MYT1L: variants seen among roughly 807,000 people sequenced by gnomAD.
The protein encoded by MYT1L is myelin transcription factor 1-like protein.
In MYT1L, 12 loss-of-function variants were observed where a neutral mutation model predicts 126.7. That is an observed-to-expected ratio of 0.09 (90% CI 0.06 to 0.15). The LOEUF is 0.15. Among genes scored for constraint, MYT1L ranks in the 10% least tolerant of loss-of-function variants. The pLI is 1.00. For synonymous variants in MYT1L, 541 were observed against 604.2 expected, an observed-to-expected ratio of 0.90 and a Z score of 1.53; for missense variants, 979 against 1,585.2, an observed-to-expected ratio of 0.62 and a Z score of 6.49.
At chr2:2,166,485 G>C (rs1010780890) in intron 3 of MYT1L, among the ~76,000 whole-genome samples, 5 of 152,196 alleles carry the variant, frequency 3.3e-5, no homozygotes, top group Non-Finnish European at 7.3e-5. Flanking sequence ...GGGTTTCAGA[G>C]TCAGAATTGA....
chr2:2,252,132 A>G (rs557543017), intron 2 of MYT1L, among the ~76,000 whole-genome samples: 1 of 152,266 alleles, frequency 6.6e-6, no homozygotes, highest in South Asian at 2.1e-4. Context: ...TGGAGAGAAG[A>G]CAGGCTCTCT....
At chr2:1,874,190 C>CT (rs5828881) in intron 18 of MYT1L, among the ~76,000 whole-genome samples, 2,399 of 148,016 alleles carry the variant, frequency 0.016, 46 homozygotes, top group African/African-American at 0.044. Context: ...AGGAAACGCT[C>CT]TTTTTTTTTT....
rs533811422 is a variant in MYT1L, at chr2:1,952,890, C to A, written c.153-9556G>T. Among the ~76,000 whole-genome samples the A allele has an allele frequency of 8.8e-3, 688 of 78,518 alleles. 11 individuals carry two copies. The highest frequency in any genetic ancestry group is 0.026 in the African/African-American group (378 of 14,570). 51.5% of individuals were successfully genotyped at this position (78,518 alleles called of 152,430 possible). On this transcript the variant is annotated intron_variant, in intron 8 of 24. Transcript: ENST00000647738. ...TTTCCCTTCCCTCCTTCCTTCCCTT[C>A]CCTCCTTCTTTCCCTTCCTCTCCCT...
At chr2:2,102,594 C>A (rs902118200) in intron 3 of MYT1L, among the ~76,000 whole-genome samples, 2 of 147,824 alleles carry the variant, frequency 1.4e-5, no homozygotes, top group Non-Finnish European at 3.0e-5. Context: ...TTTGGCAATG[C>A]CTCTTGGGAA....
intron 13 of MYT1L, among the ~76,000 whole-genome samples, chr2:1,908,158 T>C (rs1184816867): frequency 6.6e-6 from 1 of 152,246 alleles, no homozygotes; most frequent in Non-Finnish European, 1.5e-5. Context: ...TGGTGGGGTT[T>C]TCTTTGCACC....
At chr2:2,098,474 T>A (rs992431449) in intron 3 of MYT1L, among the ~76,000 whole-genome samples, 14 of 152,178 alleles carry the variant, frequency 9.2e-5, no homozygotes, top group Admixed American at 1.3e-4. Flanking sequence ...TCCTGAGCCA[T>A]GAGTTTGGCT....
intron 8 of MYT1L, among the ~76,000 whole-genome samples, chr2:1,947,765 G>A (rs949186705): frequency 6.6e-5 from 10 of 152,366 alleles, no homozygotes; most frequent in African/African-American, 2.2e-4. Context: ...GTTGGAGAAG[G>A]TGAGTGTGTG....
intron 13 of MYT1L, among the ~76,000 whole-genome samples, chr2:1,904,367 T>C (rs1023186543): frequency 6.6e-6 from 1 of 152,068 alleles, no homozygotes; most frequent in Non-Finnish European, 1.5e-5. Flanking sequence ...GACACATTCT[T>C]TTTTTTGTTG....
At chr2:1,875,709 T>A (rs1429999418) in intron 18 of MYT1L, among the ~76,000 whole-genome samples, 1 of 152,142 alleles carries the variant, frequency 6.6e-6, no homozygotes, top group African/African-American at 2.4e-5. Flanking sequence ...TGTTTGATAA[T>A]CAGATTATTG....
At chr2:2,227,051 T>G (rs2094027649) in intron 2 of MYT1L, among the ~76,000 whole-genome samples, 1 of 152,048 alleles carries the variant, frequency 6.6e-6, no homozygotes, top group African/African-American at 2.4e-5. Context: ...GATCCTTCAT[T>G]TCTCCTTGAA....
At chr2:2,329,777 A>G (rs1281549851) in intron 1 of MYT1L, among the ~76,000 whole-genome samples, 1 of 152,166 alleles carries the variant, frequency 6.6e-6, no homozygotes, top group Non-Finnish European at 1.5e-5. Flanking sequence ...ACTCAAGTAT[A>G]ACTTTAAGGA....
chr2:1,995,845 G>A (rs113966657), intron 5 of MYT1L, among the ~76,000 whole-genome samples: 11 of 152,290 alleles, frequency 7.2e-5, no homozygotes, highest in South Asian at 4.1e-4. Flanking sequence ...GGTGGGCAGC[G>A]GCTCTGCCTA....
chr2:2,118,960 G>C (rs553560756), intron 3 of MYT1L, among the ~76,000 whole-genome samples: 1 of 152,250 alleles, frequency 6.6e-6, no homozygotes, highest in Non-Finnish European at 1.5e-5. Context: ...AAATGACAGC[G>C]TGCGCCAGGG....
chr2:1,951,503 AAG>A (rs1158661522), intron 8 of MYT1L, among the ~76,000 whole-genome samples: 1 of 152,186 alleles, frequency 6.6e-6, no homozygotes, highest in African/African-American at 2.4e-5. Flanking sequence ...ATCCACAGGA[AAG>A]AGAGAAGGCT....
In MYT1L at chr2:1,827,894, T is replaced by C. The variant is rs972548774; in HGVS notation, c.3080+11255A>G. ...TTCCCCCACACCTCCAGACACCAGCTAGTGATCTGTCCTGAGATCAAAACC... is the reference window on the plus strand; with the variant it reads ...TTCCCCCACACCTCCAGACACCAGCCAGTGATCTGTCCTGAGATCAAAACC... On this transcript the variant is annotated intron_variant, in intron 21 of 24. Coordinates refer to ENST00000647738, the MANE Select transcript of MYT1L (RefSeq NM_001303052.2). 3.3e-5 allele frequency: 5 copies of C among 152,288 alleles called. No homozygotes were observed. In the East Asian group the frequency reaches 9.7e-4, roughly 30 times the overall value. The allele number at this position is 152,288 out of a possible 1,614,324, so 9.4% of individuals were successfully genotyped here.
intron 22 of MYT1L, among the ~76,000 whole-genome samples, chr2:1,804,830 G>A (rs943041971): frequency 5.3e-5 from 8 of 152,216 alleles, no homozygotes; most frequent in Non-Finnish European, 1.0e-4. Context: ...TCCTGACAAA[G>A]CGCTTCATGT....
At chr2:1,864,414 G>A (rs1000771084) in intron 18 of MYT1L, among the ~76,000 whole-genome samples, 1 of 152,202 alleles carries the variant, frequency 6.6e-6, no homozygotes, top group African/African-American at 2.4e-5. Flanking sequence ...CTCCCTGCCA[G>A]CTCCGGCCTT....
chr2:1,859,650 A>G (rs925040882), intron 18 of MYT1L, among the ~76,000 whole-genome samples: 3 of 152,236 alleles, frequency 2.0e-5, no homozygotes, highest in Admixed American at 6.5e-5. Context: ...GATGACATGC[A>G]GATGGTATCA....
At chr2:1,840,646 T>C (rs941094712) in intron 20 of MYT1L, 114 bp downstream of exon 20, 10 of 745,106 alleles carry the variant, frequency 1.3e-5, no homozygotes, top group Non-Finnish European at 2.2e-5. Flanking sequence ...TCTCAAAGAA[T>C]GGCCACTAAG....
Sources: gnomAD v4.1 joint callset for allele counts (sites outside exome capture counted in the v4.1 genomes callset) on GRCh38, gnomAD v4.1.1 for gene constraint, MANE v1.5 for transcripts, NCBI Gene and HGNC (gene_info 2026-07-23, HGNC 2026-07-21) for gene names.